ZNF594: variants seen among roughly 807,000 people sequenced by gnomAD.
ZNF594 encodes zinc finger protein 594.
For synonymous variants in ZNF594, 336 were observed against 309.4 expected, an observed-to-expected ratio of 1.09 and a Z score of -0.90; for missense variants, 1,037 against 964.6, an observed-to-expected ratio of 1.08 and a Z score of -0.99.
At position 5,183,883 on chromosome 17, in the gene ZNF594, TTATTTA is replaced by T; in HGVS notation, c.368_373del (p.Ile123_Asn124del). Reference sequence around the variant, plus strand: ...TTCACATTCCTTACATTCATAGGTCTTATTTATATTATGAATTTTCTGATGTTCAGT... The same window carrying T: ...TTCACATTCCTTACATTCATAGGTCTTATTATGAATTTTCTGATGTTCAGT... On this transcript the variant is annotated inframe_deletion, in exon 2 of 2. Transcript: ENST00000575779. 3 of 1,613,494 alleles carry T rather than the reference TTATTTA, an allele frequency of 1.9e-6. No individual in the cohort carries two copies. In the East Asian group the frequency reaches 6.7e-5, roughly 36 times the overall value.
chr17:5,182,537 CA>C lies in ZNF594; in HGVS notation c.1719del (p.Cys573TrpfsTer16), dbSNP rs774428442. On this transcript the variant is annotated frameshift_variant, in exon 2 of 2. Coordinates refer to ENST00000575779, the MANE Select transcript of ZNF594 (RefSeq NM_032530.2). LOFTEE classifies it low-confidence loss of function (END_TRUNC). Reference sequence around the variant, plus strand: ...TCTGAGCTGCCCTGGAAAGCCCTACCACACTGATTACACCAATAAGCTTTCG... The same window carrying C: ...TCTGAGCTGCCCTGGAAAGCCCTACCCACTGATTACACCAATAAGCTTTCG... ...QEAKAYWCNQ[C>X]GRAFQGSSDL... is the part of the protein sequence containing the mutation. The C allele has an allele frequency of 2.5e-6, 4 of 1,613,790 alleles. No homozygotes were observed. The African/African-American group carries it at 5.3e-5, about 22-fold the overall frequency.
rs1464016784 is a variant in ZNF594 at position 5,184,090 on chromosome 17, A to T, written c.167T>A (p.Met56Lys). The change falls in exon 2 of 2, where the codon ATG (methionine) becomes AAG (lysine). Residue 56 changes from methionine (M) to lysine (K), a missense_variant. Physicochemically the swap from Met to Lys is moderately conservative, Grantham distance 95. Coordinates refer to ENST00000575779, the MANE Select transcript of ZNF594 (RefSeq NM_032530.2). ...KHWVSPLKDA[M>K]RHLPSQESGI... Reference sequence around the variant, plus strand: ...GCTCTCTTGGGAAGGGAGATGTCTCATTGCATCCTTTAAAGGGCTTACCCA... The same window carrying T: ...GCTCTCTTGGGAAGGGAGATGTCTCTTTGCATCCTTTAAAGGGCTTACCCA... The T allele has an allele frequency of 6.2e-7, 1 of 1,614,152 alleles. No homozygotes were observed. Among genetic ancestry groups the T allele is most frequent in the South Asian group, 1.1e-5 (1 of 91,086 alleles).
At position 5,182,825 on chromosome 17, in the gene ZNF594, G is replaced by A. The variant is rs769578264; in HGVS notation, c.1432C>T (p.His478Tyr). 2.5e-6 allele frequency: 4 copies of A among 1,614,106 alleles called. No homozygotes were observed. Among genetic ancestry groups the A allele is most frequent in the Admixed American group, 3.3e-5 (2 of 60,024 alleles). Residue 478 changes from histidine (H) to tyrosine (Y), a missense_variant, in exon 2 of 2, where the codon CAC becomes TAC. Physicochemically the swap from His to Tyr is moderately conservative, Grantham distance 83. Coordinates refer to ENST00000575779, the MANE Select transcript of ZNF594 (RefSeq NM_032530.2). ...AFSQRSHLVT[H>Y]QKIHTGEKPY... ...TTCTCTCCAGTATGGATTTTCTGGTGTGTAACAAGGTGTGACCTCTGGCTA... is the reference window on the plus strand; with the variant it reads ...TTCTCTCCAGTATGGATTTTCTGGTATGTAACAAGGTGTGACCTCTGGCTA...
Position 5,183,700 on chromosome 17 carries a change from T to A in ZNF594, c.557A>T (p.His186Leu). The change falls in exon 2 of 2, where the codon CAT (histidine) becomes CTT (leucine). Residue 186 changes from histidine (H) to leucine (L), a missense_variant. His to Leu is a moderately conservative substitution (Grantham distance 99). Coordinates refer to ENST00000575779, the MANE Select transcript of ZNF594 (RefSeq NM_032530.2). ...IHTGKKPYIC[H>L]ECGKDFNQSS... ...CTGATTGAAGTCTTTTCCACATTCA[T>A]GACATATATAAGGTTTCTTTCCTGT... 1.2e-6 allele frequency: 2 copies of A among 1,614,150 alleles called. No individual in the cohort carries two copies. Among genetic ancestry groups the A allele is most frequent in the South Asian group, 2.2e-5 (2 of 91,076 alleles).
chr17:5,176,867 A>G (rs1279228396), downstream of ZNF594, among the ~76,000 whole-genome samples: 1 of 151,430 alleles, frequency 6.6e-6, no homozygotes, highest in Non-Finnish European at 1.5e-5. Flanking sequence ...ATGAAATAGG[A>G]AAAAAAAAGC....
At position 5,181,705 on chromosome 17, in the gene ZNF594, T is replaced by G; in HGVS notation, c.*128A>C. ...AGGTGGGACCTCTGGCTAAAGACTT[T>G]CCCACATTCACTACATTCATGAGGT... On this transcript the variant is annotated 3_prime_UTR_variant, in exon 2 of 2. Coordinates refer to ENST00000575779, the MANE Select transcript of ZNF594 (RefSeq NM_032530.2). The G allele has an allele frequency of 6.3e-7, 1 of 1,581,842 alleles. No homozygotes were observed. Among genetic ancestry groups the G allele is most frequent in the Non-Finnish European group, 8.7e-7 (1 of 1,150,884 alleles).
chr17:5,190,139 G>A (rs971023982), intron 1 of ZNF594, among the ~76,000 whole-genome samples: 1 of 152,196 alleles, frequency 6.6e-6, no homozygotes, highest in African/African-American at 2.4e-5. Flanking sequence ...GGCTGAGGCA[G>A]GCAGAGTACC....
chr17:5,182,632 T>G lies in ZNF594; in HGVS notation c.1625A>C (p.Lys542Thr). ...GCTGAAGGTTTTCTCACATTCAAGT[T>G]TCTCTCCAGTATGCAGGCTCTGATG... Reference protein sequence around the residue: ...LKHQSLHTGEKLECEKTFSQD... With the variant: ...LKHQSLHTGETLECEKTFSQD... Residue 542 changes from lysine to threonine, a missense_variant, in exon 2 of 2, where the codon AAA becomes ACA. Lys to Thr is a moderately conservative substitution (Grantham distance 78, BLOSUM62 -1). Transcript: ENST00000575779. 1 of 1,613,806 alleles carries G rather than the reference T, an allele frequency of 6.2e-7. No homozygotes were observed. Among genetic ancestry groups the G allele is most frequent in the Non-Finnish European group, 8.5e-7 (1 of 1,179,888 alleles).
chr17:5,180,898 A>C lies in ZNF594; in HGVS notation c.*935T>G. On this transcript the variant is annotated 3_prime_UTR_variant, in exon 2 of 2. Coordinates refer to ENST00000575779, the MANE Select transcript of ZNF594 (RefSeq NM_032530.2). Reference sequence around the variant, plus strand: ...AGTGCAATAAGATGTGGTCTCCATCAGACTTTTCCTAGTTTTACTGCATTC... The same window carrying C: ...AGTGCAATAAGATGTGGTCTCCATCCGACTTTTCCTAGTTTTACTGCATTC... 1 of 579,156 alleles carries C rather than the reference A, an allele frequency of 1.7e-6. No individual in the cohort carries two copies. The highest frequency in any genetic ancestry group is 3.2e-6 in the Non-Finnish European group (1 of 315,852). 35.9% of individuals were successfully genotyped at this position (579,156 alleles called of 1,614,324 possible). A position where few individuals can be genotyped will look rare whatever the true frequency, so the allele number is the denominator to read the frequency against.
rs200848440 is a variant in ZNF594 at position 5,181,744 on chromosome 17, G to A, written c.*89C>T. The A allele has an allele frequency of 3.3e-5, 52 of 1,595,182 alleles. No individual in the cohort carries two copies. The highest frequency in any genetic ancestry group is 4.5e-5 in the Non-Finnish European group (52 of 1,163,118). On this transcript the variant is annotated 3_prime_UTR_variant, in exon 2 of 2. Coordinates refer to ENST00000575779, the MANE Select transcript of ZNF594 (RefSeq NM_032530.2). ...CATTCATGAGGTTTCTCTCCAGTAT[G>A]AACACGATGGTGTTTAATAAGATCT...
chr17:5,187,999 T>C (rs958067628), intron 1 of ZNF594, among the ~76,000 whole-genome samples: 1 of 149,502 alleles, frequency 6.7e-6, no homozygotes, highest in African/African-American at 2.5e-5. Context: ...GGATTGCAGG[T>C]GTGAGGCACT....
At chr17:5,189,706 T>C (rs1377682199) in intron 1 of ZNF594, among the ~76,000 whole-genome samples, 1 of 151,450 alleles carries the variant, frequency 6.6e-6, no homozygotes, top group African/African-American at 2.4e-5. Context: ...AATTTTTTTG[T>C]AGAGAAAAGG....
rs180782464 is a variant in ZNF594 at position 5,182,504 on chromosome 17, T to C, written c.1753A>G (p.Arg585Gly). The change falls in exon 2 of 2, where the codon AGA becomes GGA. Residue 585 changes from arginine (R) to glycine (G), a missense_variant. By Grantham distance (125) the Arg-to-Gly change is moderately radical. Coordinates refer to ENST00000575779, the MANE Select transcript of ZNF594 (RefSeq NM_032530.2). ...RAFQGSSDLI[R>G]HQVTHTREKP... ...TCTCTTGTATGAGTTACCTGATGTC[T>C]GATGAGGTCTGAGCTGCCCTGGAAA... 112 of 1,614,094 alleles carry C rather than the reference T, an allele frequency of 6.9e-5. No individual in the cohort carries two copies. Among genetic ancestry groups the C allele is most frequent in the Non-Finnish European group, 9.2e-5 (108 of 1,180,006 alleles).
downstream of ZNF594, chr17:5,174,863 AGT>A (rs1199504595): frequency 1.0e-5 from 2 of 191,280 alleles, no homozygotes; most frequent in Non-Finnish European, 2.2e-5. Flanking sequence ...ACATAAATAG[AGT>A]GTAAATAAAA....
chr17:5,190,109 G>GT (rs1164145967), intron 1 of ZNF594, among the ~76,000 whole-genome samples: 3 of 152,206 alleles, frequency 2.0e-5, no homozygotes, highest in Non-Finnish European at 4.4e-5. Flanking sequence ...GCTCACACCT[G>GT]TAATTCCAGC....
Position 5,183,967 on chromosome 17 carries a change from C to T in ZNF594, c.290G>A (p.Ser97Asn), listed in dbSNP as rs200766367. Reference sequence around the variant, plus strand: ...GCCACTAACCTCATATCTATGGGAGCTTTCTCCTGCAGAAAGTATTTTTTC... The same window carrying T: ...GCCACTAACCTCATATCTATGGGAGTTTTCTCCTGCAGAAAGTATTTTTTC... ...EGEKILSAGE[S>N]SHRYEVSGQN... is the part of the protein sequence containing the mutation. Residue 97 changes from serine to asparagine, a missense_variant, in exon 2 of 2, where the codon AGC (serine) becomes AAC (asparagine). Coordinates refer to ENST00000575779, the MANE Select transcript of ZNF594 (RefSeq NM_032530.2). The T allele has an allele frequency of 6.2e-7, 1 of 1,614,054 alleles. No homozygotes were observed. The highest frequency in any genetic ancestry group is 1.3e-5 in the African/African-American group (1 of 75,044).
intron 1 of ZNF594, 178 bp from the exon 2 acceptor site, chr17:5,184,454 C>T (rs2074373321): frequency 1.5e-6 from 1 of 673,038 alleles, no homozygotes. Flanking sequence ...TACCACATAC[C>T]CTGTTGGTGA....
At chr17:5,178,187 C>A (rs1159488060), downstream of ZNF594, among the ~76,000 whole-genome samples, 18 of 127,218 alleles carry the variant, frequency 1.4e-4, no homozygotes, top group South Asian at 3.4e-3. Context: ...CTAAAAAAAA[C>A]CATATCATAT....
rs765306338 is a variant in ZNF594 at position 5,182,137 on chromosome 17, G to C, written c.2120C>G (p.Pro707Arg). The C allele has an allele frequency of 2.5e-6, 4 of 1,613,452 alleles. No homozygotes were observed. In the South Asian group the frequency reaches 4.4e-5, roughly 18 times the overall value. Residue 707 changes from proline to arginine, a missense_variant, in exon 2 of 2, where the codon CCC becomes CGC. Transcript: ENST00000575779. The stretch of plus-strand genomic sequence containing the variant: ...TTTCCCACATTCCTTACATTCATAG[G>C]GTTTCTCACCACTATGAAGTCTCCG... ...QHRRLHSGEK[P>R]YECKECGKLF...
Sources: gnomAD v4.1 joint callset for allele counts (sites outside exome capture counted in the v4.1 genomes callset) on GRCh38, gnomAD v4.1.1 for gene constraint, MANE v1.5 for transcripts, NCBI Gene and HGNC (gene_info 2026-07-23, HGNC 2026-07-21) for gene names.